Variants in PSMC5 observed in about 807,000 individuals in gnomAD.
PSMC5 encodes the protein proteasome 26S subunit, ATPase 5.
A neutral mutation model predicts 49.1 loss-of-function variants in PSMC5; 11 were observed. The ratio of observed to expected loss-of-function variants is 0.22; its 90% confidence interval spans 0.14 to 0.37. The LOEUF (loss-of-function observed/expected upper bound fraction) is 0.37, where lower values mean the gene tolerates loss of function less well. Among genes scored for constraint, PSMC5 ranks in the 10% least tolerant of loss-of-function variants. The pLI is 1.00. For synonymous variants in PSMC5, 206 were observed against 192.2 expected, an observed-to-expected ratio of 1.07 and a Z score of -0.59; for missense variants, 229 against 520.9, an observed-to-expected ratio of 0.44 and a Z score of 5.45.
chr17:63,829,462 G>T, intron 2 of PSMC5, 32 bp from the exon 3 acceptor site: 1 of 1,549,028 alleles, frequency 6.5e-7, no homozygotes, highest in South Asian at 1.2e-5. Context: ...TCCTGCCCTT[G>T]AATAATGGAA....
Position 63,827,494 on chromosome 17 carries a change from G to T in PSMC5, c.4G>T (p.Ala2Ser). M[A>S]LDGPEQMELE... ...CGGTCTCTGCTGAAGAGAGAAGATG[G>T]CGCTTGACGGACCAGAGCAGGTATG... Residue 2 changes from alanine (A) to serine (S), a missense_variant, in exon 1 of 12, where the codon GCG (alanine) becomes TCG (serine). Physicochemically the swap from Ala to Ser is moderately conservative, Grantham distance 99. This residue lies in a region of PSMC5 where 98 missense variants were observed against 144.0 expected (regional missense o/e 0.68). Coordinates refer to ENST00000310144, the MANE Select transcript of PSMC5 (RefSeq NM_002805.6). 6.4e-7 allele frequency: 1 copy of T among 1,551,768 alleles called. No homozygotes were observed. The highest frequency in any genetic ancestry group is 8.7e-7 in the Non-Finnish European group (1 of 1,147,006).
chr17:63,828,770 A>G (rs1358220610), intron 2 of PSMC5: 2 of 155,896 alleles, frequency 1.3e-5, no homozygotes, highest in African/African-American at 2.4e-5. Flanking sequence ...GGCTTCCAGT[A>G]GTAAGCCTTA....
chr17:63,831,930 C>T lies in PSMC5; in HGVS notation c.1182C>T (p.Asp394=). 1 of 1,614,066 alleles carries T rather than the reference C, an allele frequency of 6.2e-7. No individual in the cohort carries two copies. The highest frequency in any genetic ancestry group is 1.6e-4 in the Middle Eastern group (1 of 6,062). The change falls in exon 12 of 12, where the codon GAC becomes GAT. Residue 394 remains aspartate, a synonymous_variant. Transcript: ENST00000310144. This position sits in a 1 kb window ranked among gnomAD's most constrained non-coding sequence, Gnocchi z 6.3. Reference sequence around the variant, plus strand: ...CCCACCCCTAGGTCATGCAGAAGGACAGTGAGAAAAACATGTCCATCAAGA... The same window carrying T: ...CCCACCCCTAGGTCATGCAGAAGGATAGTGAGAAAAACATGTCCATCAAGA... ...EMAVAKVMQK[D]SEKNMSIKKL... is the part of the protein sequence containing the mutation.
At position 63,831,104 on chromosome 17, in the gene PSMC5, GA is replaced by G; in HGVS notation, c.751del (p.Ile251SerfsTer79). The stretch of plus-strand genomic sequence containing the variant: ...TGCTCCATCTATCATCTTCATGGAC[GA>G]AATCGACTCCATCGGCTCCTCGCGG... ...EHAPSIIFMD[E>X]IDSIGSSRLE... On this transcript the variant is annotated frameshift_variant, in exon 8 of 12. Coordinates refer to ENST00000310144, the MANE Select transcript of PSMC5 (RefSeq NM_002805.6). LOFTEE classifies it high-confidence loss of function. This position sits in a 1 kb window ranked among gnomAD's most constrained non-coding sequence, Gnocchi z 6.3. The G allele has an allele frequency of 1.3e-6, 2 of 1,566,246 alleles. No homozygotes were observed. Among genetic ancestry groups the G allele is most frequent in the Non-Finnish European group, 1.7e-6 (2 of 1,155,462 alleles).
chr17:63,829,250 T>A, intron 2 of PSMC5: 1 of 429,048 alleles, frequency 2.3e-6, no homozygotes, highest in African/African-American at 2.0e-5. Flanking sequence ...TTTTCTCCAT[T>A]AGATTCTGTT....
rs763880812 is a variant in PSMC5, at chr17:63,830,242, C to A, written c.322-29C>A. ...GTGGTGGGGTCAGCTCTTACTGTAC[C>A]ACTTCTGAAACTCGCCCCCTTCACC... On this transcript the variant is annotated intron_variant, in intron 5 of 11. Coordinates refer to ENST00000310144, the MANE Select transcript of PSMC5 (RefSeq NM_002805.6). This position sits in a 1 kb window ranked among gnomAD's most constrained non-coding sequence, Gnocchi z 4.0. 1 of 1,613,756 alleles carries A rather than the reference C, an allele frequency of 6.2e-7. No individual in the cohort carries two copies. The highest frequency in any genetic ancestry group is 1.1e-5 in the South Asian group (1 of 91,052).
At position 63,831,313 on chromosome 17, in the gene PSMC5, C is replaced by G. The variant is rs549588665; in HGVS notation, c.871-14C>G. 1 of 1,613,556 alleles carries G rather than the reference C, an allele frequency of 6.2e-7. No homozygotes were observed. The highest frequency in any genetic ancestry group is 1.1e-5 in the South Asian group (1 of 91,076). ...AAGAGGTTTAGCTGATCCCCACTTG[C>G]TTTCTCTGCTCAGGTTATCATGGCT... On this transcript the variant is annotated splice_polypyrimidine_tract_variant and intron_variant, in intron 8 of 11. Transcript: ENST00000310144. The surrounding 1 kb of genome is among the most constrained non-coding windows in gnomAD (Gnocchi z 6.3).
intron 2 of PSMC5, 164 bp downstream of exon 2, chr17:63,828,373 ATC>A (rs1195475063): frequency 3.1e-6 from 2 of 648,112 alleles, no homozygotes; most frequent in Admixed American, 5.9e-5. Flanking sequence ...GAAGTAAGCA[ATC>A]TCTTGTTCTC....
chr17:63,829,920 G>T lies in PSMC5; in HGVS notation c.235G>T (p.Ala79Ser). 6.2e-7 allele frequency: 1 copy of T among 1,612,652 alleles called. No homozygotes were observed. Among genetic ancestry groups the T allele is most frequent in the Non-Finnish European group, 8.5e-7 (1 of 1,179,360 alleles). ...CTCCTATGTGGGGGAAGTAGTCCGG[G>T]CCATGGATAAGAAGAAAGTGTTGGT... ...QGSYVGEVVR[A>S]MDKKKVLVKV... The change falls in exon 4 of 12, where the codon GCC (alanine) becomes TCC (serine). Residue 79 changes from alanine to serine, a missense_variant. By Grantham distance (99) the Ala-to-Ser change is moderately conservative. Transcript: ENST00000310144.
rs752322490 is a variant in PSMC5, at chr17:63,831,705, A to G, written c.1081-19A>G. 5.0e-6 allele frequency: 8 copies of G among 1,614,076 alleles called. No homozygotes were observed. The highest frequency in any genetic ancestry group is 4.5e-5 in the East Asian group (2 of 44,870). On this transcript the variant is annotated intron_variant, in intron 10 of 11. Transcript: ENST00000310144. The surrounding 1 kb of genome is among the most constrained non-coding windows in gnomAD (Gnocchi z 6.3). Reference sequence around the variant, plus strand: ...TGAGGGGCACAGCAGTGGGGCCTCAATTTCCTTTTCCTGTTCAGGGCGTGT... The same window carrying G: ...TGAGGGGCACAGCAGTGGGGCCTCAGTTTCCTTTTCCTGTTCAGGGCGTGT...
At position 63,831,005 on chromosome 17, in the gene PSMC5, G is replaced by A. The variant is rs780416281; in HGVS notation, c.680-31G>A. The A allele has an allele frequency of 4.1e-5, 65 of 1,604,746 alleles. 1 individual carries two copies. In the South Asian group the frequency reaches 7.1e-4, roughly 18 times the overall value. On this transcript the variant is annotated intron_variant, in intron 7 of 11. Transcript: ENST00000310144. The surrounding 1 kb of genome is among the most constrained non-coding windows in gnomAD (Gnocchi z 6.3). The stretch of plus-strand genomic sequence containing the variant: ...GGTTAGAGAGCTAATAAGCTAATAA[G>A]CTCCCTAACACCAGCTCGGCCTCCA...
At position 63,831,633 on chromosome 17, in the gene PSMC5, C is replaced by T. The variant is rs1245269539; in HGVS notation, c.1080+17C>T. Reference sequence around the variant, plus strand: ...GAAGTGAAGGTAATTGGAGTACCCACTGAAAACAGGGCAGAGGCAGGAAGC... The same window carrying T: ...GAAGTGAAGGTAATTGGAGTACCCATTGAAAACAGGGCAGAGGCAGGAAGC... On this transcript the variant is annotated intron_variant, in intron 10 of 11. Coordinates refer to ENST00000310144, the MANE Select transcript of PSMC5 (RefSeq NM_002805.6). This position sits in a 1 kb window ranked among gnomAD's most constrained non-coding sequence, Gnocchi z 6.3. 1.9e-6 allele frequency: 3 copies of T among 1,613,594 alleles called. No homozygotes were observed. Among genetic ancestry groups the T allele is most frequent in the Admixed American group, 1.7e-5 (1 of 59,996 alleles).
chr17:63,829,271 C>T, intron 2 of PSMC5: 1 of 494,104 alleles, frequency 2.0e-6, no homozygotes, highest in South Asian at 3.1e-5. Flanking sequence ...ACTCCTGGAC[C>T]AGTATTGGAC....
At position 63,830,973 on chromosome 17, in the gene PSMC5, G is replaced by A. The variant is rs1598354994; in HGVS notation, c.679+38G>A. The A allele has an allele frequency of 1.2e-6, 2 of 1,613,582 alleles. No individual in the cohort carries two copies. Among genetic ancestry groups the A allele is most frequent in the East Asian group, 2.2e-5 (1 of 44,878 alleles). ...AGCAATGTGAGAAGCAAGAGGTAGGGGTAGGGGGTTAGAGAGCTAATAAGC... is the reference window on the plus strand; with the variant it reads ...AGCAATGTGAGAAGCAAGAGGTAGGAGTAGGGGGTTAGAGAGCTAATAAGC... On this transcript the variant is annotated intron_variant, in intron 7 of 11. Coordinates refer to ENST00000310144, the MANE Select transcript of PSMC5 (RefSeq NM_002805.6). This position sits in a 1 kb window ranked among gnomAD's most constrained non-coding sequence, Gnocchi z 4.0.
chr17:63,830,031 T>G lies in PSMC5; in HGVS notation c.264+82T>G, dbSNP rs1949724113. ...TGTGTGTAGCCTCGGGAGACAGGGT[T>G]CTGTGTTCTGTCAAGGTATTGTGGG... is the stretch of plus-strand genomic sequence containing the variant. On this transcript the variant is annotated intron_variant, in intron 4 of 11. Coordinates refer to ENST00000310144, the MANE Select transcript of PSMC5 (RefSeq NM_002805.6). This position sits in a 1 kb window ranked among gnomAD's most constrained non-coding sequence, Gnocchi z 4.0. 1.3e-6 allele frequency: 2 copies of G among 1,563,240 alleles called. No individual in the cohort carries two copies. The highest frequency in any genetic ancestry group is 1.7e-6 in the Non-Finnish European group (2 of 1,148,748).
intron 2 of PSMC5, chr17:63,828,483 C>A (rs531904242): frequency 7.7e-5 from 25 of 324,816 alleles, no homozygotes; most frequent in African/African-American, 4.7e-4. Flanking sequence ...CAAAGGTCAA[C>A]CCTTTTGGAA....
intron 3 of PSMC5, 87 bp downstream of exon 3, chr17:63,829,650 C>A: frequency 7.2e-7 from 1 of 1,381,520 alleles, no homozygotes; most frequent in Non-Finnish European, 1.0e-6. Flanking sequence ...CACAGCAGTG[C>A]TTACTGTTTT....
intron 1 of PSMC5, chr17:63,827,784 C>A: frequency 7.0e-7 from 1 of 1,430,130 alleles, no homozygotes; most frequent in African/African-American, 1.4e-5. Context: ...TCGCAGGAGA[C>A]GGGACGCCAG....
intron 2 of PSMC5, 138 bp downstream of exon 2, chr17:63,828,347 T>C (rs1377732785): frequency 2.5e-6 from 2 of 795,008 alleles, no homozygotes; most frequent in Non-Finnish European, 4.0e-6. Context: ...TCTTAGCTAG[T>C]AGGGTGTATG....
Sources: allele counts gnomAD v4.1 joint callset, GRCh38; gene constraint gnomAD v4.1.1; regional missense constraint gnomAD v4.1.1; non-coding constraint Gnocchi (gnomAD v3.1); transcripts MANE v1.5; gene names NCBI Gene and HGNC (gene_info 2026-07-23, HGNC 2026-07-21).